The following BRSK2 variants were observed in gnomAD, a reference collection of about 807,000 sequenced individuals.
BRSK2 encodes the protein serine/threonine-protein kinase BRSK2.
A neutral mutation model predicts 83.3 loss-of-function variants in BRSK2; 19 were observed. The observed-to-expected ratio is 0.23, with a 90% CI of 0.16 to 0.33. The LOEUF (loss-of-function observed/expected upper bound fraction) is 0.33, where lower values mean the gene tolerates loss of function less well. Ranked by LOEUF, BRSK2 falls within the 10% of genes least tolerant of loss-of-function variation. The pLI is 1.00. For synonymous variants in BRSK2, 519 were observed against 435.4 expected (o/e 1.19, Z -2.39); for missense variants, 798 against 1,042.3 (o/e 0.77, Z 3.23).
chr11:1,461,036 G>A lies in BRSK2; in HGVS notation c.*313G>A, dbSNP rs373953240. 4.3e-6 allele frequency: 7 copies of A among 1,610,202 alleles called. No homozygotes were observed. Among genetic ancestry groups the A allele is most frequent in the African/African-American group, 1.3e-5 (1 of 74,850 alleles). On this transcript the variant is annotated 3_prime_UTR_variant, in exon 20 of 20. Transcript: ENST00000528841. Reference sequence around the variant, plus strand: ...TCCTCTGTGACCGAAGGCAGCTGCTGCGGACCCGCCCTCCCTCCGCTCCTG... The same window carrying A: ...TCCTCTGTGACCGAAGGCAGCTGCTACGGACCCGCCCTCCCTCCGCTCCTG...
At chr11:1,413,263 C>T (rs755535843) in intron 1 of BRSK2, among the ~76,000 whole-genome samples, 32 of 152,248 alleles carry the variant, frequency 2.1e-4, no homozygotes, top group Middle Eastern at 6.8e-3. Context: ...GTGGTGTGCC[C>T]TGACCCCACT....
At chr11:1,440,995 G>GC in intron 4 of BRSK2, 67 bp downstream of exon 4, 1 of 1,379,516 alleles carries the variant, frequency 7.2e-7, no homozygotes, top group South Asian at 1.2e-5. Flanking sequence ...TACCACAGAT[G>GC]CCCCCTGTGC....
chr11:1,449,411 G>A (rs1385101241), intron 12 of BRSK2, among the ~76,000 whole-genome samples: 1 of 152,224 alleles, frequency 6.6e-6, no homozygotes, highest in Non-Finnish European at 1.5e-5. Context: ...GAGCCAGCAC[G>A]AGGCCTGGAG....
chr11:1,444,720 C>A (rs942124906), intron 8 of BRSK2, among the ~76,000 whole-genome samples: 8 of 152,028 alleles, frequency 5.3e-5, no homozygotes, highest in Non-Finnish European at 1.2e-4. Flanking sequence ...TCCAGCTCCC[C>A]CGACTTCTCT....
chr11:1,441,338 A>C (rs1233549394), intron 4 of BRSK2, among the ~76,000 whole-genome samples: 1 of 21,582 alleles, frequency 4.6e-5, no homozygotes, highest in African/African-American at 2.2e-4. Flanking sequence ...CAAGTGCACC[A>C]TCCCCCCCAT....
chr11:1,456,738 C>T, intron 18 of BRSK2, 51 bp downstream of exon 18: 1 of 1,534,662 alleles, frequency 6.5e-7, no homozygotes, highest in South Asian at 1.2e-5. Context: ...TGGGGCGTGG[C>T]CAGCTGGTGC....
At chr11:1,403,200 G>A (rs1846612303) in intron 1 of BRSK2, among the ~76,000 whole-genome samples, 1 of 152,152 alleles carries the variant, frequency 6.6e-6, no homozygotes, top group Non-Finnish European at 1.5e-5. Context: ...CCCTGGGGCA[G>A]TGCCCTTGTC....
At chr11:1,416,480 C>A (rs1057508788) in intron 1 of BRSK2, among the ~76,000 whole-genome samples, 4 of 152,234 alleles carry the variant, frequency 2.6e-5, no homozygotes, top group African/African-American at 9.6e-5. Context: ...GGGCTCACCT[C>A]CCTCGGACCG....
chr11:1,393,878 G>A (rs1161837855), intron 1 of BRSK2, among the ~76,000 whole-genome samples: 1 of 151,110 alleles, frequency 6.6e-6, no homozygotes, highest in African/African-American at 2.4e-5. Context: ...ATGGAGATGG[G>A]TCCTGGAGAT....
chr11:1,426,899 G>A (rs929481282), intron 1 of BRSK2, among the ~76,000 whole-genome samples: 40 of 152,124 alleles, frequency 2.6e-4, no homozygotes, highest in African/African-American at 9.4e-4. Flanking sequence ...CCGCCTGGTG[G>A]GAAGCCCCCT....
chr11:1,460,863 C>T lies in BRSK2; in HGVS notation c.*140C>T, dbSNP rs2133323015. Reference sequence around the variant, plus strand: ...AGAGCCTGGGAGGAAAGGAAAGGGGCGTTGGGGCCGGCCTGTGGGCTGCGC... The same window carrying T: ...AGAGCCTGGGAGGAAAGGAAAGGGGTGTTGGGGCCGGCCTGTGGGCTGCGC... On this transcript the variant is annotated 3_prime_UTR_variant, in exon 20 of 20. Coordinates refer to ENST00000528841, the MANE Select transcript of BRSK2 (RefSeq NM_001256627.2). The T allele has an allele frequency of 8.3e-6, 13 of 1,567,184 alleles. No individual in the cohort carries two copies. The highest frequency in any genetic ancestry group is 1.8e-5 in the Admixed American group (1 of 54,068).
chr11:1,456,460 C>G lies in BRSK2; in HGVS notation c.1781C>G (p.Thr594Ser). Reference protein sequence around the residue: ...QKPVKFQVDITYTEGGEAQKE... With the variant: ...QKPVKFQVDISYTEGGEAQKE... ...CCGGTCAAGTTCCAGGTTGATATCA[C>G]CTACACGGAGGGTGGGGAGGCGCAG... Residue 594 changes from threonine to serine, a missense_variant, in exon 17 of 20, where the codon ACC (threonine) becomes AGC (serine). By Grantham distance (58) the Thr-to-Ser change is moderately conservative. Transcript: ENST00000528841. 2 of 1,584,234 alleles carry G rather than the reference C, an allele frequency of 1.3e-6. No homozygotes were observed. Among genetic ancestry groups the G allele is most frequent in the Non-Finnish European group, 1.7e-6 (2 of 1,164,036 alleles).
chr11:1,420,977 C>G (rs1005972921), intron 1 of BRSK2, among the ~76,000 whole-genome samples: 1 of 152,144 alleles, frequency 6.6e-6, no homozygotes, highest in Non-Finnish European at 1.5e-5. Flanking sequence ...AACCCTGGAG[C>G]CTGACTGGGG....
chr11:1,438,777 C>T lies in BRSK2; in HGVS notation c.272+386C>T, dbSNP rs1407798633. 6.6e-6 allele frequency among the ~76,000 whole-genome samples: 1 copy of T among 152,160 alleles called. No individual in the cohort carries two copies. The highest frequency in any genetic ancestry group is 2.4e-5 in the African/African-American group (1 of 41,442). ...ACGTCCCCAGCCCTGGGCAGTGAGC[C>T]ATGTCTCTATCCCTGAGGCTCCCTC... On this transcript the variant is annotated intron_variant, in intron 3 of 19. Transcript: ENST00000528841. The surrounding 1 kb of genome is among the most constrained non-coding windows in gnomAD (Gnocchi z 6.4).
At chr11:1,401,581 A>G (rs1349185922) in intron 1 of BRSK2, among the ~76,000 whole-genome samples, 2 of 152,220 alleles carry the variant, frequency 1.3e-5, no homozygotes, top group African/African-American at 4.8e-5. Flanking sequence ...CTTCGGGCCC[A>G]TGCCAACCGC....
chr11:1,448,205 G>A (rs1012018817), intron 12 of BRSK2, among the ~76,000 whole-genome samples: 4 of 152,300 alleles, frequency 2.6e-5, no homozygotes, highest in Non-Finnish European at 4.4e-5. Context: ...CCCTGGGGCC[G>A]GCCAGAGTTG....
chr11:1,419,191 G>A (rs1564816512), intron 1 of BRSK2, among the ~76,000 whole-genome samples: 2 of 150,402 alleles, frequency 1.3e-5, no homozygotes, highest in Admixed American at 6.6e-5. Context: ...CTCTGCAGGT[G>A]CGTGTCAGGT....
Position 1,438,322 on chromosome 11 carries a change from C to T in BRSK2, c.203C>T (p.Ala68Val), listed in dbSNP as rs541482444. 5 of 1,614,054 alleles carry T rather than the reference C, an allele frequency of 3.1e-6. No homozygotes were observed. Among genetic ancestry groups the T allele is most frequent in the Non-Finnish European group, 4.2e-6 (5 of 1,179,968 alleles). ...SVLMKVEREI[A>V]ILKLIEHPHV... is the part of the protein sequence containing the mutation. ...CCCATGCAGGTGGAGCGGGAGATCG[C>T]GATCCTGAAGCTCATTGAGCACCCC... is the stretch of plus-strand genomic sequence containing the variant. The change falls in exon 3 of 20, where the codon GCG becomes GTG. Residue 68 changes from alanine to valine, a missense_variant. Physicochemically the swap from Ala to Val is moderately conservative, Grantham distance 64 (BLOSUM62 0). This residue lies in a region of BRSK2 where 109 missense variants were observed against 259.2 expected (regional missense o/e 0.42). Coordinates refer to ENST00000528841, the MANE Select transcript of BRSK2 (RefSeq NM_001256627.2). The surrounding 1 kb of genome is among the most constrained non-coding windows in gnomAD (Gnocchi z 6.4).
chr11:1,436,149 GGAGGGAGGCGGGGCCGGC>G lies in BRSK2; in HGVS notation c.186+17_186+34del. 2.2e-6 allele frequency: 2 copies of G among 929,688 alleles called. No individual in the cohort carries two copies. Among genetic ancestry groups the G allele is most frequent in the Non-Finnish European group, 3.1e-6 (2 of 640,078 alleles). 57.6% of individuals were successfully genotyped at this position (929,688 alleles called of 1,614,324 possible). A position where few individuals can be genotyped will look rare whatever the true frequency, so the allele number is the denominator to read the frequency against. ...TGCTGATGAAGGTGGGTGGGGCCGG[GGAGGGAGGCGGGGCCGGC>G]GGTGGGGTGGGGCGGGGAATAGCAC... On this transcript the variant is annotated intron_variant, in intron 2 of 19. Coordinates refer to ENST00000528841, the MANE Select transcript of BRSK2 (RefSeq NM_001256627.2).
Sources: gnomAD v4.1 joint callset for allele counts (sites outside exome capture counted in the v4.1 genomes callset) on GRCh38, gnomAD v4.1.1 for gene constraint, gnomAD v4.1.1 regional missense constraint, Gnocchi (gnomAD v3.1) non-coding constraint, MANE v1.5 for transcripts, NCBI Gene and HGNC (gene_info 2026-07-23, HGNC 2026-07-21) for gene names.